The following ABCC6 variants were observed in gnomAD, a reference collection of about 807,000 sequenced individuals.
The protein encoded by ABCC6 is ATP binding cassette subfamily C member 6, also known as ATP-binding cassette sub-family C member 6.
A neutral mutation model predicts 169.5 loss-of-function variants in ABCC6; 126 were observed. The observed-to-expected ratio is 0.74, with a 90% CI of 0.64 to 0.86. The LOEUF (loss-of-function observed/expected upper bound fraction) is 0.86. ABCC6 is among the 40% of genes least tolerant of loss of function. The pLI, the probability that ABCC6 is intolerant of heterozygous loss-of-function variation, is 0.00. For synonymous variants in ABCC6, 752 were observed against 814.7 expected (o/e 0.92, Z 1.31); for missense variants, 1,733 against 1,927.2 (o/e 0.90, Z 1.89).
chr16:16,158,488 C>G (rs2046619525), intron 26 of ABCC6, among the ~76,000 whole-genome samples: 1 of 152,136 alleles, frequency 6.6e-6, no homozygotes, highest in East Asian at 1.9e-4. Context: ...TCTCATTCTT[C>G]CATCCCATTC....
At chr16:16,163,586 G>T (rs554588005) in intron 23 of ABCC6, among the ~76,000 whole-genome samples, 1 of 152,102 alleles carries the variant, frequency 6.6e-6, no homozygotes, top group Non-Finnish European at 1.5e-5. Context: ...CTTCATTTAC[G>T]GCTGGTCAGT....
intron 11 of ABCC6, 46 bp from the exon 12 acceptor site, chr16:16,190,413 A>G: frequency 6.2e-7 from 1 of 1,605,620 alleles, no homozygotes; most frequent in Non-Finnish European, 8.5e-7. Flanking sequence ...GACAGTTGAG[A>G]ACTCTTCCCT....
At chr16:16,193,768 T>A (rs1241257688) in intron 10 of ABCC6, among the ~76,000 whole-genome samples, 1 of 152,224 alleles carries the variant, frequency 6.6e-6, no homozygotes, top group East Asian at 1.9e-4. Context: ...CCTGAATTCT[T>A]TCTTGCACGA....
chr16:16,198,106 T>C lies in ABCC6; in HGVS notation c.1253A>G (p.Gln418Arg), dbSNP rs536098094. ...GTAGAGGACGCTCTCGGTCAGCCGCTGCACGTCCACGGACACCAGATTGAC... is the reference window on the plus strand; with the variant it reads ...GTAGAGGACGCTCTCGGTCAGCCGCCGCACGTCCACGGACACCAGATTGAC... ...DVVNLVSVDV[Q>R]RLTESVLYLN... Residue 418 changes from glutamine to arginine, a missense_variant, in exon 10 of 31, where the codon CAG (glutamine) becomes CGG (arginine). Transcript: ENST00000205557. 4 of 1,613,420 alleles carry C rather than the reference T, an allele frequency of 2.5e-6. No individual in the cohort carries two copies. The highest frequency in any genetic ancestry group is 2.2e-5 in the South Asian group (2 of 90,866).
chr16:16,182,496 CCAGGGT>C lies in ABCC6; in HGVS notation c.2157_2162del (p.Pro720_Trp721del). On this transcript the variant is annotated inframe_deletion, in exon 17 of 31. Coordinates refer to ENST00000205557, the MANE Select transcript of ABCC6 (RefSeq NM_001171.6). Reference sequence around the variant, plus strand: ...CACAGGCTTCTAGTACTCTCTCCAGCCAGGGTGGGTCCAGCTCCTGCCCGAAGCACA... The same window carrying C: ...CACAGGCTTCTAGTACTCTCTCCAGCGGGTCCAGCTCCTGCCCGAAGCACA... The C allele has an allele frequency of 3.7e-6, 6 of 1,614,218 alleles. No homozygotes were observed. The highest frequency in any genetic ancestry group is 5.1e-6 in the Non-Finnish European group (6 of 1,180,044).
chr16:16,214,224 G>A lies in ABCC6; in HGVS notation c.600+100C>T, dbSNP rs183714070. ...GTAGAAATGTGGTACACTTTTTGCT[G>A]AATGGCTAAATGAATAAAAAAATTA... On this transcript the variant is annotated intron_variant, in intron 5 of 30. Coordinates refer to ENST00000205557, the MANE Select transcript of ABCC6 (RefSeq NM_001171.6). 3.2e-6 allele frequency: 5 copies of A among 1,544,468 alleles called. No homozygotes were observed. The African/African-American group carries it at 5.5e-5, about 17-fold the overall frequency.
At chr16:16,196,027 TG>T (rs2048026669) in intron 10 of ABCC6, among the ~76,000 whole-genome samples, 1 of 152,062 alleles carries the variant, frequency 6.6e-6, no homozygotes, top group African/African-American at 2.4e-5. Context: ...CCAGCCAACA[TG>T]GTGAAACCCA....
In ABCC6 at chr16:16,149,932, C is replaced by A; in HGVS notation, c.*201G>T. The A allele has an allele frequency of 1.3e-6, 1 of 767,286 alleles. No individual in the cohort carries two copies. Among genetic ancestry groups the A allele is most frequent in the Middle Eastern group, 3.7e-4 (1 of 2,712 alleles). 47.5% of individuals were successfully genotyped at this position (767,286 alleles called of 1,614,324 possible). A position where few individuals can be genotyped will look rare whatever the true frequency, so the allele number is the denominator to read the frequency against. On this transcript the variant is annotated 3_prime_UTR_variant, in exon 31 of 31. Coordinates refer to ENST00000205557, the MANE Select transcript of ABCC6 (RefSeq NM_001171.6). ...CAGGGCGAGATGGGCCCTGCCCGGGCAGACCTGTGTATTGCTAGGTCCTTC... is the reference window on the plus strand; with the variant it reads ...CAGGGCGAGATGGGCCCTGCCCGGGAAGACCTGTGTATTGCTAGGTCCTTC...
chr16:16,157,961 G>T, intron 26 of ABCC6, 152 bp from the exon 27 acceptor site: 1 of 845,092 alleles, frequency 1.2e-6, no homozygotes, highest in Non-Finnish European at 1.8e-6. Context: ...ACAAGAGAGG[G>T]CATGGACTAT....
Position 16,177,626 on chromosome 16 carries a change from T to C in ABCC6, c.2416A>G (p.Thr806Ala). ...IGPGGLLQGT[T>A]RILVTHALHI... Reference sequence around the variant, plus strand: ...AGTGCGTGCGTCACGAGAATCCGTGTCTGGGCAGGGAAGGGGTAGAAGTTA... The same window carrying C: ...AGTGCGTGCGTCACGAGAATCCGTGCCTGGGCAGGGAAGGGGTAGAAGTTA... Residue 806 changes from threonine (T) to alanine (A), a missense_variant and splice_region_variant, in exon 19 of 31, where the codon ACA becomes GCA. Coordinates refer to ENST00000205557, the MANE Select transcript of ABCC6 (RefSeq NM_001171.6). The C allele has an allele frequency of 6.2e-7, 1 of 1,614,146 alleles. No individual in the cohort carries two copies. Among genetic ancestry groups the C allele is most frequent in the East Asian group, 2.2e-5 (1 of 44,878 alleles).
intron 10 of ABCC6, among the ~76,000 whole-genome samples, chr16:16,193,668 C>A (rs570682803): frequency 6.6e-6 from 1 of 152,174 alleles, no homozygotes; most frequent in Admixed American, 6.5e-5. Context: ...GAGCCACGAT[C>A]GCACCACTGC....
chr16:16,183,936 C>T (rs1056019546), intron 15 of ABCC6, among the ~76,000 whole-genome samples: 13 of 152,082 alleles, frequency 8.5e-5, no homozygotes, highest in African/African-American at 2.9e-4. Flanking sequence ...CACGGTGGCT[C>T]ATGCCTGTAA....
intron 13 of ABCC6, 46 bp downstream of exon 13, chr16:16,188,785 C>G (rs780902862): frequency 6.3e-7 from 1 of 1,593,090 alleles, no homozygotes; most frequent in Non-Finnish European, 8.5e-7. Context: ...CCAGGTGTAG[C>G]CCACGCACTC....
chr16:16,203,694 G>C, intron 7 of ABCC6, 81 bp from the exon 8 acceptor site: 1 of 1,522,184 alleles, frequency 6.6e-7, no homozygotes, highest in South Asian at 1.2e-5. Context: ...TTAAAGGGTT[G>C]TTTTCCCAAC....
At chr16:16,155,392 C>CT (rs779151655) in intron 27 of ABCC6, 9 of 333,694 alleles carry the variant, frequency 2.7e-5, no homozygotes, top group African/African-American at 4.2e-5. Context: ...ATCCCTTATC[C>CT]TTTTTTCCAC....
At position 16,221,633 on chromosome 16, in the gene ABCC6, C is replaced by T. The variant is rs2049077602; in HGVS notation, c.219+16G>A. On this transcript the variant is annotated intron_variant, in intron 2 of 30. Transcript: ENST00000205557. The stretch of plus-strand genomic sequence containing the variant: ...CGAACATTGCCTGGTTCCAGGCTCC[C>T]AGGGATGGCAGCTACCATCTTGGCT... 3 of 1,613,512 alleles carry T rather than the reference C, an allele frequency of 1.9e-6. No homozygotes were observed. Among genetic ancestry groups the T allele is most frequent in the African/African-American group, 1.3e-5 (1 of 74,910 alleles).
chr16:16,169,003 C>T (rs1172154019), intron 22 of ABCC6, among the ~76,000 whole-genome samples: 1 of 152,160 alleles, frequency 6.6e-6, no homozygotes, highest in Admixed American at 6.6e-5. Flanking sequence ...ACTGCTTGAA[C>T]CTCGGAGATG....
chr16:16,194,338 A>C (rs111729837), intron 10 of ABCC6, among the ~76,000 whole-genome samples: 2,234 of 152,356 alleles, frequency 0.015, 56 homozygotes, highest in African/African-American at 0.05. Context: ...ATAAAGAGTG[A>C]ATAAGGTTTT....
intron 26 of ABCC6, 61 bp downstream of exon 26, chr16:16,159,421 C>G: frequency 1.5e-6 from 2 of 1,343,318 alleles, no homozygotes; most frequent in South Asian, 2.4e-5. Context: ...CAACAGGGAC[C>G]CATTGCCCCC....
Sources: gnomAD v4.1 joint callset for allele counts (sites outside exome capture counted in the v4.1 genomes callset) on GRCh38, gnomAD v4.1.1 for gene constraint, MANE v1.5 for transcripts, NCBI Gene and HGNC (gene_info 2026-07-23, HGNC 2026-07-21) for gene names.